The following RECQL5 variants were observed in gnomAD, a reference collection of about 807,000 sequenced individuals.
The protein encoded by RECQL5 is RecQ like helicase 5, also known as ATP-dependent DNA helicase Q5.
A neutral mutation model predicts 103.4 loss-of-function variants in RECQL5; 88 were observed. The observed-to-expected ratio is 0.85, with a 90% CI of 0.72 to 1.02. The LOEUF (loss-of-function observed/expected upper bound fraction) is 1.02, where lower values mean the gene tolerates loss of function less well. RECQL5 is among the 50% of genes least tolerant of loss of function. The pLI, the probability that RECQL5 is intolerant of heterozygous loss-of-function variation, is 0.00. For synonymous variants in RECQL5, 552 were observed against 507.9 expected (o/e 1.09, Z -1.17); for missense variants, 1,232 against 1,284.3 (o/e 0.96, Z 0.62).
Position 75,631,153 on chromosome 17 carries a change from G to T in RECQL5, c.1545C>A (p.Arg515=). The change falls in exon 10 of 20, where the codon CGC becomes CGA. Residue 515 remains arginine, a synonymous_variant. Transcript: ENST00000317905. The stretch of plus-strand genomic sequence containing the variant: ...GCCACTGAGTGCCTCCCCTCACCTT[G>T]CGCAGCTGCATCTGCTTCTGATAGA... ...NLFYQKQMQL[R]KGKDPKIEEF... The T allele has an allele frequency of 6.2e-7, 1 of 1,613,730 alleles. No homozygotes were observed. The highest frequency in any genetic ancestry group is 8.5e-7 in the Non-Finnish European group (1 of 1,179,930).
intron 2 of RECQL5, among the ~76,000 whole-genome samples, chr17:75,665,689 CAAA>C (rs1184942786): frequency 4.7e-5 from 3 of 63,394 alleles, no homozygotes; most frequent in Non-Finnish European, 3.1e-5. Flanking sequence ...GACTCTGTTT[CAAA>C]AAAAAAAAAA....
At chr17:75,649,515 C>T (rs1256191714) in intron 8 of RECQL5, 2 of 497,894 alleles carry the variant, frequency 4.0e-6, no homozygotes, top group Non-Finnish European at 5.2e-6. Context: ...TCTGCTGAGC[C>T]CACCCCACTA....
intron 15 of RECQL5, 35 bp from the exon 16 acceptor site, chr17:75,629,510 C>T: frequency 2.7e-6 from 4 of 1,500,436 alleles, no homozygotes; most frequent in Non-Finnish European, 3.6e-6. Flanking sequence ...GAGGTTCAGC[C>T]CACTAGGCCC....
In RECQL5 at chr17:75,627,282, G is replaced by A. The variant is rs1460255924; in HGVS notation, c.*140C>T. On this transcript the variant is annotated 3_prime_UTR_variant, in exon 20 of 20. Coordinates refer to ENST00000317905, the MANE Select transcript of RECQL5 (RefSeq NM_004259.7). ...CTGACCTGGATTCAGGGGGTGTCTG[G>A]GGTCATCCCCAAAGCCAAGTATGGT... The A allele has an allele frequency of 4.1e-6, 3 of 739,836 alleles. No homozygotes were observed. The highest frequency in any genetic ancestry group is 4.8e-6 in the Non-Finnish European group (2 of 417,236). 45.8% of individuals were successfully genotyped at this position (739,836 alleles called of 1,614,324 possible).
intron 8 of RECQL5, chr17:75,650,174 C>T (rs1051097265): frequency 1.0e-6 from 1 of 986,938 alleles, no homozygotes; most frequent in African/African-American, 1.7e-5. Flanking sequence ...TTGAAAAGGG[C>T]TCTGGTCGCA....
In RECQL5 at chr17:75,629,130, C is replaced by G; in HGVS notation, c.2293G>C (p.Ala765Pro). The G allele has an allele frequency of 6.2e-7, 1 of 1,613,764 alleles. No individual in the cohort carries two copies. The highest frequency in any genetic ancestry group is 8.5e-7 in the Non-Finnish European group (1 of 1,179,994). Residue 765 changes from alanine (A) to proline (P), a missense_variant, in exon 16 of 20, where the codon GCC becomes CCC. By Grantham distance (27) the Ala-to-Pro change is conservative. Coordinates refer to ENST00000317905, the MANE Select transcript of RECQL5 (RefSeq NM_004259.7). ...TCCACCCTTCGGCAGAAGAAGCGGG[C>G]GATGCTCTGAGAATCCTTGTGGGCC... ...TAAHKDSQSI[A>P]RFFCRRVESP...
chr17:75,628,169 C>T, intron 18 of RECQL5, 49 bp downstream of exon 18: 2 of 1,518,902 alleles, frequency 1.3e-6, no homozygotes, highest in African/African-American at 1.4e-5. Context: ...CCCACTACAC[C>T]CACATACCCC....
chr17:75,637,577 C>T (rs2059349209), intron 8 of RECQL5: 1 of 152,222 alleles, frequency 6.6e-6, no homozygotes, highest in Non-Finnish European at 1.5e-5. Flanking sequence ...CCAGAGGGTT[C>T]AGTCCTACAC....
chr17:75,630,717 C>A (rs569075257), intron 12 of RECQL5, 25 bp from the exon 13 acceptor site: 1 of 1,609,890 alleles, frequency 6.2e-7, no homozygotes, highest in Non-Finnish European at 8.5e-7. Flanking sequence ...TGAGACTGGT[C>A]GCATGGCCTC....
At chr17:75,649,501 C>T in intron 8 of RECQL5, 1 of 368,762 alleles carries the variant, frequency 2.7e-6, no homozygotes, top group South Asian at 1.1e-4. Context: ...GAAATGCACC[C>T]ACTTCTGCTG....
rs1287987962 is a variant in RECQL5, at chr17:75,640,430, G to A, written c.1230-8762C>T. On this transcript the variant is annotated intron_variant, in intron 8 of 19. Coordinates refer to ENST00000317905, the MANE Select transcript of RECQL5 (RefSeq NM_004259.7). The surrounding 1 kb of genome is among the most constrained non-coding windows in gnomAD (Gnocchi z 4.6). ...CTGGCAGAGGTGGCGGGTGTCTGCC[G>A]GATCAAGGAGGAAAACCAGTTGTCC... 9.8e-6 allele frequency: 14 copies of A among 1,430,740 alleles called. No individual in the cohort carries two copies. Among genetic ancestry groups the A allele is most frequent in the Admixed American group, 2.9e-5 (1 of 34,434 alleles). The allele number at this position is 1,430,740 out of a possible 1,614,324, so 88.6% of individuals were successfully genotyped here.
intron 18 of RECQL5, among the ~76,000 whole-genome samples, chr17:75,627,943 C>T (rs958145812): frequency 1.8e-4 from 27 of 151,690 alleles, no homozygotes; most frequent in African/African-American, 6.3e-4. Context: ...GGCGTGAACC[C>T]GGGAGGCGGA....
At chr17:75,644,816 G>A (rs1478281702) in intron 8 of RECQL5, among the ~76,000 whole-genome samples, 1 of 129,982 alleles carries the variant, frequency 7.7e-6, no homozygotes, top group Non-Finnish European at 1.6e-5. Context: ...GCTACAGAGT[G>A]AGACTCTGCC....
chr17:75,657,824 C>G (rs141274058), intron 7 of RECQL5, among the ~76,000 whole-genome samples: 1 of 150,236 alleles, frequency 6.7e-6, no homozygotes, highest in African/African-American at 2.5e-5. Context: ...CCGAGGCAGG[C>G]GGATCACGAG....
intron 8 of RECQL5, chr17:75,648,014 C>T (rs1330676211): frequency 5.9e-6 from 1 of 170,620 alleles, no homozygotes; most frequent in Admixed American, 6.4e-5. Flanking sequence ...ATAGAGCCAC[C>T]AGAGCAAGCT....
At position 75,629,854 on chromosome 17, in the gene RECQL5, T is replaced by C. The variant is rs199904933; in HGVS notation, c.1813-12A>G. On this transcript the variant is annotated splice_polypyrimidine_tract_variant and intron_variant, in intron 14 of 19. Coordinates refer to ENST00000317905, the MANE Select transcript of RECQL5 (RefSeq NM_004259.7). ...TGGATATCGGCCACCTGGGCAGGGA[T>C]AGGCAGGGAGGCTGTGGCACCCGCC... 1.3e-4 allele frequency: 201 copies of C among 1,587,300 alleles called. No homozygotes were observed. In the African/African-American group the frequency reaches 2.2e-3, roughly 18 times the overall value.
At chr17:75,650,080 G>T in intron 8 of RECQL5, 1 of 985,746 alleles carries the variant, frequency 1.0e-6, no homozygotes, top group Non-Finnish European at 1.2e-6. Flanking sequence ...GGAACACTTG[G>T]CCCTTTCATT....
intron 18 of RECQL5, among the ~76,000 whole-genome samples, 158 bp downstream of exon 18, chr17:75,628,060 C>T (rs542074758): frequency 2.0e-5 from 3 of 151,766 alleles, no homozygotes; most frequent in South Asian, 2.1e-4. Flanking sequence ...GAGCAACCCA[C>T]GGCCATGACC....
At chr17:75,657,107 G>A (rs994119628) in intron 7 of RECQL5, among the ~76,000 whole-genome samples, 10 of 152,078 alleles carry the variant, frequency 6.6e-5, no homozygotes, top group African/African-American at 1.2e-4. Context: ...GGTGGCTCAC[G>A]CCTGTAATCC....
Sources: gnomAD v4.1 joint callset for allele counts (sites outside exome capture counted in the v4.1 genomes callset) on GRCh38, gnomAD v4.1.1 for gene constraint, Gnocchi (gnomAD v3.1) non-coding constraint, MANE v1.5 for transcripts, NCBI Gene and HGNC (gene_info 2026-07-23, HGNC 2026-07-21) for gene names.